POM121C: variants seen among roughly 807,000 people sequenced by gnomAD.
The protein encoded by POM121C is nuclear envelope pore membrane protein POM 121C.
A neutral mutation model predicts 66.4 loss-of-function variants in POM121C; 20 were observed. The ratio of observed to expected loss-of-function variants is 0.30; its 90% CI spans 0.21 to 0.44. POM121C has a LOEUF of 0.44. POM121C is among the 20% of genes least tolerant of loss of function. The probability of loss-of-function intolerance (pLI) is 1.00; values close to 1 mark genes in which losing one functional copy is unlikely to be tolerated. For synonymous variants in POM121C, 286 were observed against 528.0 expected (o/e 0.54, Z 6.28); for missense variants, 580 against 1,225.7 (o/e 0.47, Z 7.87).
At chr7:75,419,256 C>T in intron 14 of POM121C, 64 bp downstream of exon 14, 1 of 1,538,126 alleles carries the variant, frequency 6.5e-7, no homozygotes, top group Non-Finnish European at 8.7e-7. Flanking sequence ...GGCCAGGAGC[C>T]TGCCACCCCA....
chr7:75,471,517 A>T (rs1791876629), intron 3 of POM121C, among the ~76,000 whole-genome samples: 1 of 152,046 alleles, frequency 6.6e-6, no homozygotes, highest in Non-Finnish European at 1.5e-5. Context: ...ACTCTTAAAA[A>T]ACACAAAACG....
At chr7:75,453,210 C>T (rs1220687112) in intron 3 of POM121C, among the ~76,000 whole-genome samples, 2 of 150,382 alleles carry the variant, frequency 1.3e-5, no homozygotes, top group East Asian at 2.0e-4. Context: ...GTAGGAGGAT[C>T]GCTTGAGGCC....
chr7:75,441,475 C>G lies in POM121C; in HGVS notation c.22G>C (p.Val8Leu), dbSNP rs62476652. The G allele has an allele frequency of 0.011, 17,826 of 1,589,086 alleles. 358 individuals carry two copies. Among genetic ancestry groups the G allele is most frequent in the Non-Finnish European group, 0.013 (14,580 of 1,156,648 alleles). The change falls in exon 4 of 15, where the codon GTG becomes CTG. Residue 8 changes from valine (V) to leucine (L), a missense_variant. Transcript: ENST00000615331. ...CTTCTGTCAGGAGGGGCGATCCTCA[C>G]AGTCACTGGGCTACACACCATCCTG... MVCSPVT[V>L]RIAPPDRRFS...
rs1333994063 is a variant in POM121C, at chr7:75,418,420, G to A, written c.*376C>T. 5.0e-5 allele frequency: 51 copies of A among 1,026,108 alleles called. No homozygotes were observed. Among genetic ancestry groups the A allele is most frequent in the Non-Finnish European group, 5.7e-5 (49 of 856,398 alleles). The allele number at this position is 1,026,108 out of a possible 1,614,324, so 63.6% of individuals were successfully genotyped here. ...TCAGGTGCACACCACCGATCCAGGC[G>A]GGCTGGACCCTGCCCCCTCCAGCGA... On this transcript the variant is annotated 3_prime_UTR_variant, in exon 15 of 15. Coordinates refer to ENST00000615331, the MANE Select transcript of POM121C (RefSeq NM_001099415.3).
At chr7:75,431,681 T>C (rs1554472387) in intron 7 of POM121C, among the ~76,000 whole-genome samples, 1 of 150,510 alleles carries the variant, frequency 6.6e-6, no homozygotes, top group African/African-American at 2.4e-5. Flanking sequence ...CTGGGCGCAG[T>C]GGCTCATGCC....
intron 7 of POM121C, among the ~76,000 whole-genome samples, chr7:75,433,340 A>G (rs1790262448): frequency 6.6e-6 from 1 of 150,782 alleles, no homozygotes; most frequent in Admixed American, 6.6e-5. Context: ...TATTTTATGC[A>G]TATTAAAATA....
chr7:75,437,542 G>A lies in POM121C; in HGVS notation c.453C>T (p.Ser151=), dbSNP rs1554473169. Reference sequence around the variant, plus strand: ...GTGAGATGCCTCGAGTGGAGCTGTAGGAACTGGTAATGGCATTGCGGCTGG... The same window carrying A: ...GTGAGATGCCTCGAGTGGAGCTGTAAGAACTGGTAATGGCATTGCGGCTGG... ...PSSSRNAITS[S]YSSTRGISQL... is the part of the protein sequence containing the mutation. Residue 151 remains serine (S), a synonymous_variant, in exon 7 of 15, where the codon TCC becomes TCT. Transcript: ENST00000615331. 1.2e-6 allele frequency: 2 copies of A among 1,613,834 alleles called. No individual in the cohort carries two copies. The highest frequency in any genetic ancestry group is 1.7e-5 in the Admixed American group (1 of 59,964).
intron 3 of POM121C, among the ~76,000 whole-genome samples, chr7:75,460,968 G>A (rs1428977013): frequency 6.6e-6 from 1 of 152,106 alleles, no homozygotes; most frequent in Non-Finnish European, 1.5e-5. Flanking sequence ...CCCATTTAAA[G>A]CCATCTATTT....
chr7:75,461,864 G>A (rs1554477066), intron 3 of POM121C, among the ~76,000 whole-genome samples: 1 of 151,486 alleles, frequency 6.6e-6, no homozygotes. Flanking sequence ...ATGGGTCAAA[G>A]AGTGAGTCGC....
chr7:75,424,956 T>G, intron 10 of POM121C, 118 bp downstream of exon 10: 19 of 1,516,038 alleles, frequency 1.3e-5, no homozygotes, highest in Non-Finnish European at 1.6e-5. Context: ...GGATGTTGTC[T>G]CAAAAAACAA....
At position 75,419,368 on chromosome 7, in the gene POM121C, C is replaced by T. The variant is rs371546657; in HGVS notation, c.2818G>A (p.Gly940Arg). The change falls in exon 14 of 15, where the codon GGG (glycine) becomes AGG (arginine). Residue 940 changes from glycine to arginine, a missense_variant. Gly to Arg is a moderately radical substitution (Grantham distance 125, BLOSUM62 -2). Transcript: ENST00000615331. ...VGTSGSSLSF[G>R]ASSAPAQGFV... ...CCTTGGGCGGGTGCTGAAGATGCCC[C>T]AAAGGAGAGGCTGCTGCCCGATGTG... is the stretch of plus-strand genomic sequence containing the variant. 1.2e-6 allele frequency: 2 copies of T among 1,613,694 alleles called. No individual in the cohort carries two copies. Among genetic ancestry groups the T allele is most frequent in the African/African-American group, 2.7e-5 (2 of 74,930 alleles).
At chr7:75,423,659 C>G (rs1441403352) in intron 12 of POM121C, among the ~76,000 whole-genome samples, 1 of 152,118 alleles carries the variant, frequency 6.6e-6, no homozygotes, top group African/African-American at 2.4e-5. Context: ...GGGCCGGGAA[C>G]ACCAGCAGCC....
At position 75,418,180 on chromosome 7, in the gene POM121C, GA is replaced by G. The variant is rs1421697336; in HGVS notation, c.*615del. 1 of 982,476 alleles carries G rather than the reference GA, an allele frequency of 1.0e-6. No individual in the cohort carries two copies. Among genetic ancestry groups the G allele is most frequent in the Non-Finnish European group, 1.2e-6 (1 of 827,590 alleles). 60.9% of individuals were successfully genotyped at this position (982,476 alleles called of 1,614,324 possible). On this transcript the variant is annotated 3_prime_UTR_variant, in exon 15 of 15. Coordinates refer to ENST00000615331, the MANE Select transcript of POM121C (RefSeq NM_001099415.3). Reference sequence around the variant, plus strand: ...AACATTGATTCAGGCTTGGCAGGAAGAAAACGGCAGGAGCAGCACCCACTGG... The same window carrying G: ...AACATTGATTCAGGCTTGGCAGGAAGAAACGGCAGGAGCAGCACCCACTGG...
chr7:75,437,110 CTG>C (rs1790447016), intron 7 of POM121C, among the ~76,000 whole-genome samples: 1 of 152,214 alleles, frequency 6.6e-6, no homozygotes, highest in African/African-American at 2.4e-5. Flanking sequence ...GAATCACCCT[CTG>C]TCCGTTTATC....
Position 75,424,612 on chromosome 7 carries a change from A to G in POM121C, c.785T>C (p.Leu262Pro), listed in dbSNP as rs1554471438. Residue 262 changes from leucine to proline, a missense_variant, in exon 11 of 15, where the codon CTT becomes CCT. Coordinates refer to ENST00000615331, the MANE Select transcript of POM121C (RefSeq NM_001099415.3). ...EQLTLPPPPQ[L>P]GYSITAEDLD... ...GTCCTCGGCAGTGATCGAATAGCCAAGCTGGGGAGGTGGAGGCTACCAAAG... is the reference window on the plus strand; with the variant it reads ...GTCCTCGGCAGTGATCGAATAGCCAGGCTGGGGAGGTGGAGGCTACCAAAG... 1.9e-6 allele frequency: 3 copies of G among 1,613,976 alleles called. No individual in the cohort carries two copies. The Admixed American group carries it at 5.0e-5, about 27-fold the overall frequency.
intron 7 of POM121C, among the ~76,000 whole-genome samples, chr7:75,432,044 G>A (rs753281028): frequency 3.3e-5 from 5 of 152,018 alleles, no homozygotes; most frequent in Non-Finnish European, 5.9e-5. Flanking sequence ...GTTGGGCACA[G>A]TGGCATGCGC....
intron 1 of POM121C, among the ~76,000 whole-genome samples, chr7:75,479,472 C>A (rs1214385127): frequency 6.9e-6 from 1 of 145,984 alleles, no homozygotes; most frequent in African/African-American, 2.6e-5. Flanking sequence ...AAAAATTAGC[C>A]GGGCGTGATG....
chr7:75,441,778 T>C (rs1261033072), intron 3 of POM121C, 131 bp from the exon 4 acceptor site: 18 of 891,334 alleles, frequency 2.0e-5, no homozygotes, highest in African/African-American at 3.4e-5. Flanking sequence ...ACAGAACACG[T>C]TGTTTTTATG....
intron 5 of POM121C, 107 bp downstream of exon 5, chr7:75,440,847 A>G (rs1790615539): frequency 1.3e-6 from 2 of 1,582,300 alleles, no homozygotes; most frequent in Non-Finnish European, 1.7e-6. Context: ...AGGCCTATGA[A>G]GGCTCACAAA....
Sources: allele counts gnomAD v4.1 joint callset (sites outside exome capture counted in the v4.1 genomes callset), GRCh38; gene constraint gnomAD v4.1.1; transcripts MANE v1.5; gene names NCBI Gene and HGNC (gene_info 2026-07-23, HGNC 2026-07-21).